The following MTERF4 variants were observed in gnomAD, a reference collection of about 807,000 sequenced individuals.
The protein encoded by MTERF4 is mitochondrial transcription termination factor 4.
MTERF4 carries 17 observed loss-of-function variants against 22.5 expected under a neutral mutation model. That is an observed-to-expected ratio of 0.75 (90% CI 0.52 to 1.13). MTERF4 has a LOEUF of 1.13. Among genes scored for constraint, MTERF4 ranks in the 50% most tolerant of loss-of-function variants. The pLI is 0.00. For synonymous variants in MTERF4, 165 were observed against 175.3 expected (o/e 0.94, Z 0.47); for missense variants, 420 against 466.8 (o/e 0.90, Z 0.92).
At chr2:241,049,960 G>T in the MTERF4 span, 2 of 1,562,522 alleles carry the variant, frequency 1.3e-6, no homozygotes, top group Non-Finnish European at 1.8e-6. Flanking sequence ...CGTCCGGGCC[G>T]GCGTCAGCAC....
chr2:241,088,137 G>T, downstream of MTERF4: 1 of 537,886 alleles, frequency 1.9e-6, no homozygotes, highest in South Asian at 2.5e-5. Context: ...CTCACAGCCA[G>T]CCAGGTTTCT....
chr2:241,086,114 G>A (rs895242788), downstream of MTERF4, among the ~76,000 whole-genome samples: 3 of 152,176 alleles, frequency 2.0e-5, no homozygotes, highest in South Asian at 2.1e-4. Context: ...TGATCGGCCC[G>A]CCTTGGCCTC....
chr2:241,072,416 C>T, exon 5 of MTERF4: 3 of 360,958 alleles, frequency 8.3e-6, no homozygotes, highest in Non-Finnish European at 1.6e-5. Context: ...ACACAGAAGC[C>T]CTGAGACATG....
chr2:241,070,099 G>T, downstream of MTERF4: 3 of 1,613,010 alleles, frequency 1.9e-6, no homozygotes, highest in Non-Finnish European at 2.5e-6. Context: ...CACGGTGCGC[G>T]ACCTGCTGCC....
At chr2:241,048,425 C>A in the MTERF4 span, 1 of 1,607,942 alleles carries the variant, frequency 6.2e-7, no homozygotes. Context: ...CTTCATGGGC[C>A]TGGACTGCAG....
intron 2 of MTERF4, among the ~76,000 whole-genome samples, chr2:241,098,727 G>A (rs2064565715): frequency 6.6e-6 from 1 of 152,166 alleles, no homozygotes; most frequent in Admixed American, 6.5e-5. Context: ...ACCATTTCAT[G>A]TTGATTTAAA....
At chr2:241,099,240 A>C in intron 2 of MTERF4, 156 bp downstream of exon 2, 2 of 785,964 alleles carry the variant, frequency 2.5e-6, no homozygotes, top group Non-Finnish European at 3.9e-6. Context: ...AAGCCCAGCT[A>C]ATTTTTCTAT....
chr2:241,064,062 AGCG>A, the MTERF4 span: 1 of 1,568,404 alleles, frequency 6.4e-7, no homozygotes, highest in Non-Finnish European at 8.6e-7. This position sits in a 1 kb window ranked among gnomAD's most constrained non-coding sequence, Gnocchi z 7.0. Context: ...CCGGTGTGAG[AGCG>A]GCGGCGGGGC....
downstream of MTERF4, chr2:241,090,045 C>G (rs747902345): frequency 6.5e-6 from 10 of 1,541,344 alleles, no homozygotes; most frequent in South Asian, 1.2e-4. Context: ...TAAATTAGTC[C>G]TGCAATAAGA....
chr2:241,090,962 T>G (rs1415080286), downstream of MTERF4, among the ~76,000 whole-genome samples: 1 of 152,156 alleles, frequency 6.6e-6, no homozygotes, highest in Non-Finnish European at 1.5e-5. Context: ...CGCGCGGTCC[T>G]TCATCGTGCA....
intron 1 of MTERF4, 116 bp downstream of exon 1, chr2:241,102,137 G>C: frequency 7.0e-7 from 1 of 1,425,404 alleles, no homozygotes; most frequent in South Asian, 1.2e-5. Flanking sequence ...AGCGTGCACG[G>C]ACCTCCGGGA....
chr2:241,054,217 A>G, the MTERF4 span, among the ~76,000 whole-genome samples: 1 of 152,180 alleles, frequency 6.6e-6, no homozygotes, highest in Non-Finnish European at 1.5e-5. Context: ...CCAGAAGATG[A>G]GAAGCCGATA....
At chr2:241,051,422 G>A in the MTERF4 span, 2 of 281,948 alleles carry the variant, frequency 7.1e-6, no homozygotes, top group Non-Finnish European at 1.3e-5. The surrounding 1 kb of genome is among the most constrained non-coding windows in gnomAD (Gnocchi z 4.7). Context: ...GTGTGCAGGA[G>A]GGAGGGAGTG....
chr2:241,052,893 A>C, the MTERF4 span, among the ~76,000 whole-genome samples: 2 of 144,092 alleles, frequency 1.4e-5, no homozygotes, highest in Non-Finnish European at 3.1e-5. Flanking sequence ...AGTGGCAGGC[A>C]GGTGAGAGGG....
chr2:241,079,548 TGAG>T (rs535689103), intron 4 of MTERF4, among the ~76,000 whole-genome samples: 50 of 152,190 alleles, frequency 3.3e-4, no homozygotes, highest in African/African-American at 1.1e-3. Context: ...GTTCACTAAA[TGAG>T]GAGGGAAAGA....
the MTERF4 span, chr2:241,064,097 G>C: frequency 6.4e-7 from 1 of 1,567,120 alleles, no homozygotes; most frequent in Non-Finnish European, 8.6e-7. The surrounding 1 kb of genome is among the most constrained non-coding windows in gnomAD (Gnocchi z 7.0). Context: ...TCTGCCCAGA[G>C]AGCTTCTTCG....
At chr2:241,094,368 C>T (rs1279388247), downstream of MTERF4, 32 of 470,906 alleles carry the variant, frequency 6.8e-5, no homozygotes, top group Admixed American at 5.4e-4. The surrounding 1 kb of genome is among the most constrained non-coding windows in gnomAD (Gnocchi z 4.3). Context: ...ACGGAGTCAC[C>T]GAGCTGCTTT....
chr2:241,064,879 C>T, the MTERF4 span: 4 of 1,588,526 alleles, frequency 2.5e-6, no homozygotes, highest in Non-Finnish European at 3.4e-6. This position sits in a 1 kb window ranked among gnomAD's most constrained non-coding sequence, Gnocchi z 7.0. Context: ...CTGTGGGGGC[C>T]GTGGCTATTG....
At position 241,095,746 on chromosome 2, in the gene MTERF4, T is replaced by A. The variant is rs1186908575; in HGVS notation, c.*252A>T. 5 of 550,620 alleles carry A rather than the reference T, an allele frequency of 9.1e-6. No individual in the cohort carries two copies. Among genetic ancestry groups the A allele is most frequent in the Non-Finnish European group, 1.2e-5 (4 of 321,544 alleles). The allele number at this position is 550,620 out of a possible 1,614,324, so 34.1% of individuals were successfully genotyped here. A position where few individuals can be genotyped will look rare whatever the true frequency, so the allele number is the denominator to read the frequency against. On this transcript the variant is annotated 3_prime_UTR_variant, in exon 4 of 4. Transcript: ENST00000391980. ...TCCCCTTGATGTGAATAGCTCAACATAAGTATCTTATTCAGGATGGGACAG... is the reference window on the plus strand; with the variant it reads ...TCCCCTTGATGTGAATAGCTCAACAAAAGTATCTTATTCAGGATGGGACAG...
Sources: gnomAD v4.1 joint callset for allele counts (sites outside exome capture counted in the v4.1 genomes callset) on GRCh38, gnomAD v4.1.1 for gene constraint, Gnocchi (gnomAD v3.1) non-coding constraint, MANE v1.5 for transcripts, NCBI Gene and HGNC (gene_info 2026-07-23, HGNC 2026-07-21) for gene names.